KIAA0232: variants seen among roughly 807,000 people sequenced by gnomAD.
KIAA0232 encodes the protein KIAA0232.
Under a neutral mutation model 122.0 loss-of-function variants are expected in KIAA0232, and 27 were observed. The observed-to-expected ratio is 0.22, with a 90% CI of 0.16 to 0.31. The LOEUF (loss-of-function observed/expected upper bound fraction) is 0.31. Ranked by LOEUF, KIAA0232 falls within the 10% of genes least tolerant of loss-of-function variation. The pLI, the probability that KIAA0232 is intolerant of heterozygous loss-of-function variation, is 1.00. For synonymous variants in KIAA0232, 613 were observed against 587.6 expected, an observed-to-expected ratio of 1.04 and a Z score of -0.63; for missense variants, 1,551 against 1,634.2, an observed-to-expected ratio of 0.95 and a Z score of 0.88.
intron 3 of KIAA0232, among the ~76,000 whole-genome samples, chr4:6,834,022 T>G (rs1010049461): frequency 4.6e-5 from 7 of 152,162 alleles, no homozygotes; most frequent in African/African-American, 1.4e-4. Context: ...CCCCACCTTC[T>G]TCACTTTCCA....
At chr4:6,859,100 T>TAAAA (rs34866239) in intron 6 of KIAA0232, among the ~76,000 whole-genome samples, 3 of 106,280 alleles carry the variant, frequency 2.8e-5, no homozygotes, top group Non-Finnish European at 3.7e-5. Context: ...TCTGTCTTAT[T>TAAAA]AAAAAAAAAA....
chr4:6,823,085 A>G (rs1055230474), intron 2 of KIAA0232, among the ~76,000 whole-genome samples: 7 of 151,514 alleles, frequency 4.6e-5, no homozygotes, highest in African/African-American at 1.7e-4. Flanking sequence ...AGTTTCATCC[A>G]TGTCCCTATA....
intron 2 of KIAA0232, among the ~76,000 whole-genome samples, chr4:6,806,968 A>C: frequency 6.6e-6 from 1 of 151,858 alleles, no homozygotes; most frequent in Non-Finnish European, 1.5e-5. Context: ...TCTATGTAGA[A>C]CTGATCGCTT....
rs1160355860 is a variant in KIAA0232 at position 6,855,379 on chromosome 4, C to T, written c.370-1785C>T. ...CTGGGATTACAGGTGTGAGCCGCTGCGCCCAGCTGATTTTTTAAAAAAATA... is the reference window on the plus strand; with the variant it reads ...CTGGGATTACAGGTGTGAGCCGCTGTGCCCAGCTGATTTTTTAAAAAAATA... On this transcript the variant is annotated intron_variant, in intron 4 of 9. Transcript: ENST00000307659. The surrounding 1 kb of genome is among the most constrained non-coding windows in gnomAD (Gnocchi z 4.3). Among the ~76,000 whole-genome samples the T allele has an allele frequency of 6.6e-6, 1 of 151,944 alleles. No individual in the cohort carries two copies. Among genetic ancestry groups the T allele is most frequent in the Non-Finnish European group, 1.5e-5 (1 of 67,996 alleles).
intron 7 of KIAA0232, chr4:6,866,305 C>T (rs1721179104): frequency 2.3e-6 from 2 of 885,464 alleles, no homozygotes; most frequent in African/African-American, 3.6e-5. Context: ...TCCGGGTTTC[C>T]TTGAAAGGTC....
intron 2 of KIAA0232, among the ~76,000 whole-genome samples, chr4:6,817,762 G>A (rs6821217): frequency 0.72 from 110,051 of 152,080 alleles, 40,898 homozygotes; most frequent in East Asian, 0.97. Flanking sequence ...TGACTGACAA[G>A]GAGGTTTTGA....
intron 7 of KIAA0232, 102 bp downstream of exon 7, chr4:6,864,285 A>G (rs1721048625): frequency 1.6e-6 from 2 of 1,268,562 alleles, no homozygotes; most frequent in Middle Eastern, 2.8e-4. Flanking sequence ...TTATTGGGAA[A>G]TTAGCTTAAA....
intron 3 of KIAA0232, among the ~76,000 whole-genome samples, chr4:6,827,716 C>T (rs995006007): frequency 6.6e-6 from 1 of 152,204 alleles, no homozygotes; most frequent in African/African-American, 2.4e-5. Flanking sequence ...AGATCCTAGT[C>T]TTGTTTAAGG....
Position 6,824,564 on chromosome 4 carries a change from T to C in KIAA0232, c.111T>C (p.Gly37=), listed in dbSNP as rs1410006893. 3 of 1,614,228 alleles carry C rather than the reference T, an allele frequency of 1.9e-6. No homozygotes were observed. The highest frequency in any genetic ancestry group is 2.7e-5 in the African/African-American group (2 of 75,068). Residue 37 remains glycine (G), a synonymous_variant, in exon 3 of 10, where the codon GGT becomes GGC. Transcript: ENST00000307659. The part of the protein sequence containing the change: ...VSEMSLLHAL[G]PVQTWLGQEL... The stretch of plus-strand genomic sequence containing the variant: ...AAATGTCTCTGCTTCATGCTTTGGG[T>C]CCAGTGCAGACCTGGCTGGGACAAG...
chr4:6,873,920 C>T lies in KIAA0232; in HGVS notation c.3910+2238C>T, dbSNP rs116596483. ...AAGAAAACAGGTAGTCACTTACCTA[C>T]TCAGCAGAAGTGGCTGGGGACTCCT... On this transcript the variant is annotated intron_variant, in intron 8 of 9. Transcript: ENST00000307659. Among the ~76,000 whole-genome samples the T allele has an allele frequency of 1.1e-3, 171 of 152,276 alleles. 1 individual carries two copies. Among genetic ancestry groups the T allele is most frequent in the Admixed American group, 2.6e-3 (40 of 15,292 alleles).
chr4:6,834,975 T>C (rs1475460740), intron 3 of KIAA0232, among the ~76,000 whole-genome samples: 1 of 152,166 alleles, frequency 6.6e-6, no homozygotes, highest in East Asian at 1.9e-4. Flanking sequence ...AACACGATCA[T>C]ATGACAGAAT....
At chr4:6,835,422 C>T (rs1046078919) in intron 3 of KIAA0232, among the ~76,000 whole-genome samples, 8 of 152,216 alleles carry the variant, frequency 5.3e-5, no homozygotes, top group African/African-American at 7.2e-5. Context: ...TACAAAGCTA[C>T]GATTTTTCCA....
chr4:6,796,416 A>G (rs1459805500), intron 1 of KIAA0232, among the ~76,000 whole-genome samples: 4 of 151,924 alleles, frequency 2.6e-5, no homozygotes, highest in Admixed American at 2.6e-4. Context: ...TAATTTTTGT[A>G]TTTTTAATAG....
chr4:6,831,835 C>G (rs1718999647), intron 3 of KIAA0232, among the ~76,000 whole-genome samples: 1 of 152,218 alleles, frequency 6.6e-6, no homozygotes, highest in Non-Finnish European at 1.5e-5. Flanking sequence ...AGAGTTCACT[C>G]CAAGTTCTGC....
chr4:6,881,385 T>TC lies in KIAA0232; in HGVS notation c.*421dup, dbSNP rs1722066301. On this transcript the variant is annotated 3_prime_UTR_variant, in exon 10 of 10. Coordinates refer to ENST00000307659, the MANE Select transcript of KIAA0232 (RefSeq NM_014743.3). The stretch of plus-strand genomic sequence containing the variant: ...GCTTTGGAGCATTTAGGCTTTGTTC[T>TC]CCAAGAACTGGGATATCCATTCTTA... 1 of 153,108 alleles carries TC rather than the reference T, an allele frequency of 6.5e-6. No homozygotes were observed. Among genetic ancestry groups the TC allele is most frequent in the Admixed American group, 6.5e-5 (1 of 15,310 alleles). The allele number at this position is 153,108 out of a possible 1,614,324, so 9.5% of individuals were successfully genotyped here.
intron 7 of KIAA0232, chr4:6,866,116 T>G (rs917765079): frequency 1.8e-5 from 8 of 441,584 alleles, no homozygotes; most frequent in Non-Finnish European, 2.4e-5. Context: ...ATTGTTAGCC[T>G]TTATCTGTTT....
chr4:6,863,227 G>A lies in KIAA0232; in HGVS notation c.2845G>A (p.Val949Ile), dbSNP rs576337654. 2.5e-5 allele frequency: 40 copies of A among 1,613,840 alleles called. No homozygotes were observed. Among genetic ancestry groups the A allele is most frequent in the South Asian group, 1.9e-4 (17 of 91,070 alleles). The change falls in exon 7 of 10, where the codon GTA becomes ATA. Residue 949 changes from valine to isoleucine, a missense_variant. Physicochemically the swap from Val to Ile is conservative, Grantham distance 29 (BLOSUM62 3). Around this residue, in one of 5 missense-constraint regions of KIAA0232, gnomAD observed 1,108 missense variants for 1,154.8 expected, o/e 0.96. Transcript: ENST00000307659. ...CAATAGTGATGGGGAGTGGGCAGTCGTACCACCTAGTCACACAAAAGGAAG... is the reference window on the plus strand; with the variant it reads ...CAATAGTGATGGGGAGTGGGCAGTCATACCACCTAGTCACACAAAAGGAAG... The part of the protein sequence containing the change: ...TFNSDGEWAV[V>I]PPSHTKGSLL...
intron 2 of KIAA0232, among the ~76,000 whole-genome samples, chr4:6,821,822 G>A (rs553193381): frequency 5.8e-4 from 88 of 152,072 alleles, no homozygotes; most frequent in African/African-American, 2.0e-3. Flanking sequence ...AAATACGAAC[G>A]AGTGTGCAAG....
intron 4 of KIAA0232, among the ~76,000 whole-genome samples, chr4:6,853,256 T>C (rs1165625569): frequency 1.3e-5 from 2 of 151,972 alleles, no homozygotes; most frequent in African/African-American, 2.4e-5. Context: ...ATTATAACCA[T>C]GATAATAGAA....
Sources: gnomAD v4.1 joint callset for allele counts (sites outside exome capture counted in the v4.1 genomes callset) on GRCh38, gnomAD v4.1.1 for gene constraint, gnomAD v4.1.1 regional missense constraint, Gnocchi (gnomAD v3.1) non-coding constraint, MANE v1.5 for transcripts, NCBI Gene and HGNC (gene_info 2026-07-23, HGNC 2026-07-21) for gene names.